VPS13B: variants seen among roughly 807,000 people sequenced by gnomAD.
VPS13B encodes vacuolar protein sorting 13 homolog B.
Under a neutral mutation model 426.4 loss-of-function variants are expected in VPS13B, and 285 were observed. The observed-to-expected ratio is 0.67, with a 90% CI of 0.61 to 0.74. The LOEUF (loss-of-function observed/expected upper bound fraction) is 0.74, where lower values mean the gene tolerates loss of function less well. VPS13B is among the 30% of genes least tolerant of loss of function. The pLI is 0.00. For synonymous variants in VPS13B, 1,676 were observed against 1,676.4 expected (o/e 1.00, Z 0.01); for missense variants, 4,537 against 4,782.6 (o/e 0.95, Z 1.51).
intron 30 of VPS13B, among the ~76,000 whole-genome samples, chr8:99,554,803 C>T (rs1396978342): frequency 6.6e-6 from 1 of 151,956 alleles, no homozygotes; most frequent in Non-Finnish European, 1.5e-5. Context: ...TCTCAAAATG[C>T]CTCTCCTTCA....
chr8:99,497,593 G>A (rs1820997489), intron 25 of VPS13B, among the ~76,000 whole-genome samples: 1 of 151,800 alleles, frequency 6.6e-6, no homozygotes, highest in Admixed American at 6.6e-5. Flanking sequence ...TTAATGTCCA[G>A]TAACTGTTGA....
chr8:99,818,799 T>G lies in VPS13B; in HGVS notation c.8532T>G (p.Ser2844Arg). ...TGGAGAAAAGGAGTCTGGGATTGAG[T>G]GAAACACAAATTATTCCAGGAAAAG... ...IHLEKRSLGL[S>R]ETQIIPGKGQ... Residue 2844 changes from serine (S) to arginine (R), a missense_variant, in exon 47 of 62, where the codon AGT (serine) becomes AGG (arginine). Around this residue, in one of 2 missense-constraint regions of VPS13B, gnomAD observed 4,311 missense variants for 4,474.3 expected, o/e 0.96. Transcript: ENST00000357162. 1 of 1,613,948 alleles carries G rather than the reference T, an allele frequency of 6.2e-7. No homozygotes were observed. Among genetic ancestry groups the G allele is most frequent in the South Asian group, 1.1e-5 (1 of 91,076 alleles).
chr8:99,714,138 CAAAA>C (rs1166159886), intron 36 of VPS13B, among the ~76,000 whole-genome samples: 2 of 65,140 alleles, frequency 3.1e-5, no homozygotes, highest in Admixed American at 1.7e-4. Flanking sequence ...GACTCTGTCT[CAAAA>C]AAAAAAAAAA....
intron 34 of VPS13B, among the ~76,000 whole-genome samples, chr8:99,649,167 G>C (rs765954677): frequency 6.6e-6 from 1 of 152,002 alleles, no homozygotes; most frequent in Non-Finnish European, 1.5e-5. Flanking sequence ...TTAGTTTTCT[G>C]TAGGTTGATT....
chr8:99,107,792 T>C (rs1411148186), intron 5 of VPS13B, among the ~76,000 whole-genome samples: 1 of 152,238 alleles, frequency 6.6e-6, no homozygotes, highest in Non-Finnish European at 1.5e-5. Context: ...AATGATTAAA[T>C]CAATTTATTA....
intron 19 of VPS13B, among the ~76,000 whole-genome samples, chr8:99,355,888 T>G (rs187485215): frequency 3.6e-4 from 55 of 152,278 alleles, no homozygotes; most frequent in Middle Eastern, 3.4e-3. Flanking sequence ...TGTGTTTGCT[T>G]CTTTGTTTTA....
chr8:99,431,411 T>A, intron 21 of VPS13B, 126 bp from the exon 22 acceptor site: 1 of 1,240,916 alleles, frequency 8.1e-7, no homozygotes, highest in East Asian at 2.6e-5. Context: ...AAAATGACAA[T>A]TCATAATCTC....
At chr8:99,333,144 C>T (rs1358994081) in intron 19 of VPS13B, among the ~76,000 whole-genome samples, 1 of 151,572 alleles carries the variant, frequency 6.6e-6, no homozygotes, top group African/African-American at 2.4e-5. Flanking sequence ...ATATTTTAGA[C>T]AAGAATCTGA....
intron 15 of VPS13B, among the ~76,000 whole-genome samples, chr8:99,164,756 G>A (rs775322575): frequency 9.2e-5 from 14 of 151,700 alleles, no homozygotes; most frequent in Non-Finnish European, 1.5e-4. Flanking sequence ...TTAACTTTCT[G>A]TGTCTGTCCC....
At chr8:99,545,814 A>G (rs1017225874) in intron 30 of VPS13B, among the ~76,000 whole-genome samples, 10 of 152,220 alleles carry the variant, frequency 6.6e-5, no homozygotes, top group Middle Eastern at 3.4e-3. Flanking sequence ...GGTACCTAGT[A>G]TGATTAGATA....
At chr8:99,440,666 G>C (rs1461910132) in intron 22 of VPS13B, among the ~76,000 whole-genome samples, 1 of 151,954 alleles carries the variant, frequency 6.6e-6, no homozygotes, top group Admixed American at 6.6e-5. Context: ...TGTTGATTCT[G>C]TTTATGTTGC....
At chr8:99,632,184 T>C (rs1828874045) in intron 33 of VPS13B, among the ~76,000 whole-genome samples, 1 of 151,982 alleles carries the variant, frequency 6.6e-6, no homozygotes, top group South Asian at 2.1e-4. Context: ...TAAGATCAGC[T>C]GGTAATCATA....
In VPS13B at chr8:99,096,317, C is replaced by T. The variant is rs1295312029; in HGVS notation, c.297C>T (p.Asp99=). Residue 99 remains aspartate, a synonymous_variant, in exon 4 of 62, where the codon GAC becomes GAT. Coordinates refer to ENST00000357162, the MANE Select transcript of VPS13B (RefSeq NM_152564.5). Reference sequence around the variant, plus strand: ...TTTCTTTAAAATAAAAATAGGATGACCATGAAAGCTGTGGTTCTAATTCTA... The same window carrying T: ...TTTCTTTAAAATAAAAATAGGATGATCATGAAAGCTGTGGTTCTAATTCTA... ...ILKLKDGIQD[D]HESCGSNSTN... 2.5e-6 allele frequency: 4 copies of T among 1,613,730 alleles called. No individual in the cohort carries two copies. Among genetic ancestry groups the T allele is most frequent in the Non-Finnish European group, 3.4e-6 (4 of 1,179,920 alleles).
intron 33 of VPS13B, among the ~76,000 whole-genome samples, chr8:99,615,212 T>G (rs1828033272): frequency 6.6e-6 from 1 of 152,074 alleles, no homozygotes. Flanking sequence ...AATGTAATAA[T>G]TACTCATGTG....
intron 19 of VPS13B, among the ~76,000 whole-genome samples, chr8:99,373,739 G>GC (rs1813322231): frequency 6.6e-6 from 1 of 152,142 alleles, no homozygotes; most frequent in Non-Finnish European, 1.5e-5. Flanking sequence ...GCACCCCTGA[G>GC]CCTGAGATGG....
At chr8:99,360,190 C>CTTTCTTTCTT (rs1161185070) in intron 19 of VPS13B, among the ~76,000 whole-genome samples, 10 of 26,990 alleles carry the variant, frequency 3.7e-4, no homozygotes, top group Admixed American at 1.2e-3. Flanking sequence ...TTCTTTCTTT[C>CTTTCTTTCTT]TCTCTCTCTC....
intron 34 of VPS13B, among the ~76,000 whole-genome samples, chr8:99,656,201 T>C (rs1157001557): frequency 6.6e-6 from 1 of 152,230 alleles, no homozygotes; most frequent in Non-Finnish European, 1.5e-5. Flanking sequence ...TCAATACAAA[T>C]GCCTTATGAA....
chr8:99,661,163 A>G (rs1328395557), intron 34 of VPS13B, among the ~76,000 whole-genome samples, 191 bp from the exon 35 acceptor site: 1 of 152,020 alleles, frequency 6.6e-6, no homozygotes, highest in Non-Finnish European at 1.5e-5. Flanking sequence ...GTCATCCCAC[A>G]TTGTACAGTG....
At chr8:99,561,204 A>G (rs1473514758) in intron 31 of VPS13B, among the ~76,000 whole-genome samples, 1 of 152,120 alleles carries the variant, frequency 6.6e-6, no homozygotes, top group East Asian at 1.9e-4. Flanking sequence ...CCCTCTTTCC[A>G]GTTCCTAGCA....
Sources: gnomAD v4.1 joint callset for allele counts (sites outside exome capture counted in the v4.1 genomes callset) on GRCh38, gnomAD v4.1.1 for gene constraint, gnomAD v4.1.1 regional missense constraint, MANE v1.5 for transcripts, NCBI Gene and HGNC (gene_info 2026-07-23, HGNC 2026-07-21) for gene names.